The following OSBPL5 variants were observed in gnomAD, a reference collection of about 807,000 sequenced individuals.
The protein encoded by OSBPL5 is oxysterol-binding protein-related protein 5.
In OSBPL5, 71 loss-of-function variants were observed where a neutral mutation model predicts 111.2. The observed-to-expected ratio is 0.64, with a 90% CI of 0.53 to 0.78. The LOEUF (loss-of-function observed/expected upper bound fraction) is 0.78. Among genes scored for constraint, OSBPL5 ranks in the 30% least tolerant of loss-of-function variants. OSBPL5 has a pLI of 0.00. For synonymous variants in OSBPL5, 549 were observed against 513.9 expected, an observed-to-expected ratio of 1.07 and a Z score of -0.93; for missense variants, 1,210 against 1,189.3, an observed-to-expected ratio of 1.02 and a Z score of -0.26.
intron 1 of OSBPL5, among the ~76,000 whole-genome samples, chr11:3,164,585 A>G (rs1251778143): frequency 6.6e-6 from 1 of 152,162 alleles, no homozygotes; most frequent in African/African-American, 2.4e-5. Flanking sequence ...AGGCACCTCA[A>G]CAATCCCTAA....
In OSBPL5 at chr11:3,126,559, C is replaced by T. The variant is rs1412953811; in HGVS notation, c.137-4G>A. On this transcript the variant is annotated splice_region_variant and splice_polypyrimidine_tract_variant and intron_variant, in intron 2 of 21. Coordinates refer to ENST00000263650, the MANE Select transcript of OSBPL5 (RefSeq NM_020896.4). This position sits in a 1 kb window ranked among gnomAD's most constrained non-coding sequence, Gnocchi z 6.5. ...CCGTTGGGCTCCATGTCCTTCCCTG[C>T]AAGAGAGCAGTGGGAGTGAGGACCC... 1 of 1,606,768 alleles carries T rather than the reference C, an allele frequency of 6.2e-7. No individual in the cohort carries two copies. Among genetic ancestry groups the T allele is most frequent in the East Asian group, 2.2e-5 (1 of 44,652 alleles).
At chr11:3,094,202 T>C (rs774580559) in intron 15 of OSBPL5, 35 bp downstream of exon 15, 54 of 1,596,364 alleles carry the variant, frequency 3.4e-5, no homozygotes, top group Non-Finnish European at 4.5e-5. Context: ...GTTCCTTCCC[T>C]GGCCTCGTCT....
intron 1 of OSBPL5, among the ~76,000 whole-genome samples, chr11:3,137,010 GA>G (rs1402740808): frequency 1.3e-5 from 2 of 152,256 alleles, no homozygotes; most frequent in Non-Finnish European, 2.9e-5. Flanking sequence ...ACATGGGATG[GA>G]GAGGTCAGTG....
rs1858642146 is a variant in OSBPL5, at chr11:3,126,735, G to C, written c.137-180C>G. 2.0e-6 allele frequency: 1 copy of C among 510,384 alleles called. No individual in the cohort carries two copies. Among genetic ancestry groups the C allele is most frequent in the Non-Finnish European group, 3.5e-6 (1 of 284,874 alleles). The allele number at this position is 510,384 out of a possible 1,614,324, so 31.6% of individuals were successfully genotyped here. ...TGAGAGGTGTAATAAACGCCAGCAA[G>C]CGTCACTGTGGGAGGAGTGTGCCAG... On this transcript the variant is annotated intron_variant, in intron 2 of 21. Transcript: ENST00000263650. The surrounding 1 kb of genome is among the most constrained non-coding windows in gnomAD (Gnocchi z 6.5).
intron 6 of OSBPL5, chr11:3,119,883 T>G (rs1337101938): frequency 3.9e-6 from 2 of 508,270 alleles, no homozygotes; most frequent in Non-Finnish European, 6.9e-6. Context: ...GCCTCCTGAC[T>G]TGGGCTGTCC....
chr11:3,159,470 A>G (rs1469961395), intron 1 of OSBPL5, among the ~76,000 whole-genome samples: 1 of 152,182 alleles, frequency 6.6e-6, no homozygotes, highest in East Asian at 1.9e-4. Flanking sequence ...CGCTGCACTC[A>G]GGGACACCAT....
At chr11:3,144,178 A>T (rs1846252332) in intron 1 of OSBPL5, among the ~76,000 whole-genome samples, 1 of 152,180 alleles carries the variant, frequency 6.6e-6, no homozygotes, top group African/African-American at 2.4e-5. Context: ...AAAAAACCCA[A>T]CGCGGGTGGA....
chr11:3,124,032 G>A (rs574027863), intron 3 of OSBPL5, among the ~76,000 whole-genome samples: 46 of 152,300 alleles, frequency 3.0e-4, no homozygotes, highest in Non-Finnish European at 2.5e-4. Flanking sequence ...ACGCAGAGGC[G>A]GGAGGAGCCA....
At position 3,107,431 on chromosome 11, in the gene OSBPL5, G is replaced by A. The variant is rs769380800; in HGVS notation, c.891C>T (p.Asn297=). Residue 297 remains asparagine (N), a synonymous_variant, in exon 9 of 22, where the codon AAC becomes AAT. Transcript: ENST00000263650. The surrounding 1 kb of genome is among the most constrained non-coding windows in gnomAD (Gnocchi z 6.1). ...LFPLNGSSLE[N]DAFSDKSERE... is the part of the protein sequence containing the mutation. The stretch of plus-strand genomic sequence containing the variant: ...TCTCCGACTTGTCTGAGAATGCATC[G>A]TTCTCCAGGGAAGACCCGTTCAGTC... The A allele has an allele frequency of 1.9e-5, 30 of 1,613,926 alleles. No individual in the cohort carries two copies. In the Admixed American group the frequency reaches 4.7e-4, roughly 25 times the overall value.
At chr11:3,103,904 C>CCTGTGCCGCCCCCTTCCAGCCTCTGCAG (rs1564830991) in intron 10 of OSBPL5, among the ~76,000 whole-genome samples, 1 of 141,532 alleles carries the variant, frequency 7.1e-6, no homozygotes, top group Admixed American at 7.0e-5. Flanking sequence ...GCCTCTGCAG[C>CCTGTGCCGCCCCCTTCCAGCCTCTGCAG]CCCCTTCCTG....
intron 1 of OSBPL5, among the ~76,000 whole-genome samples, chr11:3,159,926 C>T (rs1846902691): frequency 2.0e-5 from 3 of 152,158 alleles, no homozygotes; most frequent in African/African-American, 7.2e-5. Flanking sequence ...TCTGCTGACC[C>T]TGGCACCTGG....
rs1455810907 is a variant in OSBPL5, at chr11:3,088,217, G to A, written c.2628C>T (p.His876=). Residue 876 remains histidine, a synonymous_variant, in exon 22 of 22, where the codon CAC becomes CAT. Coordinates refer to ENST00000263650, the MANE Select transcript of OSBPL5 (RefSeq NM_020896.4). ...VFLACQLFIN[H]ILK ...GCCCTCAGGGCTCCTATTTGAGGAT[G>A]TGGTTAATGAACAGCTGACACGCCA... 1.3e-6 allele frequency: 2 copies of A among 1,594,446 alleles called. No individual in the cohort carries two copies. Among genetic ancestry groups the A allele is most frequent in the Non-Finnish European group, 8.6e-7 (1 of 1,169,508 alleles).
chr11:3,122,137 C>T (rs1268243865), intron 4 of OSBPL5, 39 bp from the exon 5 acceptor site: 2 of 1,525,546 alleles, frequency 1.3e-6, no homozygotes, highest in East Asian at 2.4e-5. Context: ...TGGGAGAAGG[C>T]ACCGAGCTGC....
chr11:3,115,133 G>A (rs1157905382), intron 7 of OSBPL5, among the ~76,000 whole-genome samples: 1 of 151,896 alleles, frequency 6.6e-6, no homozygotes, highest in Non-Finnish European at 1.5e-5. Context: ...TGCTAACAAT[G>A]TTTTCTTAAA....
In OSBPL5 at chr11:3,121,139, A is replaced by C. The variant is rs1809030; in HGVS notation, c.403-515T>G. 0.81 allele frequency among the ~76,000 whole-genome samples: 121,010 copies of C among 149,888 alleles called. 49,295 individuals carry two copies. Among genetic ancestry groups the C allele is most frequent in the Non-Finnish European group, 0.84 (56,886 of 67,602 alleles). ...GTGGTGCTATCTTGGCTCGCTGCAA[A>C]CTCTGCCTCCCAGGTTCAAGCGATT... On this transcript the variant is annotated intron_variant, in intron 5 of 21. Transcript: ENST00000263650. This position sits in a 1 kb window ranked among gnomAD's most constrained non-coding sequence, Gnocchi z 4.3.
At chr11:3,101,805 T>A in intron 12 of OSBPL5, 106 bp from the exon 13 acceptor site, 1 of 901,090 alleles carries the variant, frequency 1.1e-6, no homozygotes, top group Non-Finnish European at 1.7e-6. Flanking sequence ...TGACGCCACA[T>A]CTTCTCCCCC....
Position 3,093,818 on chromosome 11 carries a change from G to T in OSBPL5, c.1737C>A (p.Ser579Arg). ...EFKLKPFFGG[S>R]TSINQISGKI... is the part of the protein sequence containing the mutation. ...TTCCCGAGATCTGGTTGATGCTGGTGCTACCCCCGAAGAAGGGCTGCGGGG... is the reference window on the plus strand; with the variant it reads ...TTCCCGAGATCTGGTTGATGCTGGTTCTACCCCCGAAGAAGGGCTGCGGGG... The change falls in exon 16 of 22, where the codon AGC (serine) becomes AGA (arginine). Residue 579 changes from serine to arginine, a missense_variant. Coordinates refer to ENST00000263650, the MANE Select transcript of OSBPL5 (RefSeq NM_020896.4). The T allele has an allele frequency of 6.2e-7, 1 of 1,612,454 alleles. No individual in the cohort carries two copies.
In OSBPL5 at chr11:3,141,706, G is replaced by A. The variant is rs571948924; in HGVS notation, c.-21-12537C>T. 4.6e-5 allele frequency among the ~76,000 whole-genome samples: 7 copies of A among 152,212 alleles called. No homozygotes were observed. The East Asian group carries it at 1.4e-3, about 29-fold the overall frequency. ...TTCTCATGCATCCCAGTGCTTTGCC[G>A]AGGTGCCTACGCCACCCTTGCATGT... On this transcript the variant is annotated intron_variant, in intron 1 of 21. Coordinates refer to ENST00000263650, the MANE Select transcript of OSBPL5 (RefSeq NM_020896.4). The surrounding 1 kb of genome is among the most constrained non-coding windows in gnomAD (Gnocchi z 6.5).
chr11:3,092,977 C>T lies in OSBPL5; in HGVS notation c.2022G>A (p.Glu674=). 2 of 1,603,782 alleles carry T rather than the reference C, an allele frequency of 1.2e-6. No individual in the cohort carries two copies. Among genetic ancestry groups the T allele is most frequent in the South Asian group, 1.1e-5 (1 of 88,542 alleles). Reference sequence around the variant, plus strand: ...CACGGGCCCGCTGCCGCTGTGCCTCCTCCAGTGCAAACTTCTCCTGTGTGG... The same window carrying T: ...CACGGGCCCGCTGCCGCTGTGCCTCTTCCAGTGCAAACTTCTCCTGTGTGG... The part of the protein sequence containing the change: ...HRATQEKFAL[E]EAQRQRARER... The change falls in exon 18 of 22, where the codon GAG becomes GAA. Residue 674 remains glutamate (E), a synonymous_variant. Transcript: ENST00000263650. The surrounding 1 kb of genome is among the most constrained non-coding windows in gnomAD (Gnocchi z 5.4).
Sources: gnomAD v4.1 joint callset for allele counts (sites outside exome capture counted in the v4.1 genomes callset) on GRCh38, gnomAD v4.1.1 for gene constraint, Gnocchi (gnomAD v3.1) non-coding constraint, MANE v1.5 for transcripts, NCBI Gene and HGNC (gene_info 2026-07-23, HGNC 2026-07-21) for gene names.